Variants in OTOG observed in about 807,000 individuals in gnomAD.
OTOG encodes the protein otogelin.
Under a neutral mutation model 313.8 loss-of-function variants are expected in OTOG, and 296 were observed. The ratio of observed to expected loss-of-function variants is 0.94; its 90% CI spans 0.86 to 1.04. The LOEUF is 1.04. Among genes scored for constraint, OTOG ranks in the 50% least tolerant of loss-of-function variants. The pLI, the probability that OTOG is intolerant of heterozygous loss-of-function variation, is 0.00. For synonymous variants in OTOG, 1,533 were observed against 1,554.9 expected, an observed-to-expected ratio of 0.99 and a Z score of 0.33; for missense variants, 3,948 against 3,840.1, an observed-to-expected ratio of 1.03 and a Z score of -0.74.
intron 22 of OTOG, 109 bp from the exon 23 acceptor site, chr11:17,578,264 A>G: frequency 7.1e-7 from 1 of 1,407,406 alleles, no homozygotes; most frequent in Non-Finnish European, 9.2e-7. Flanking sequence ...CCAGGGAGGG[A>G]GGAGACTTCC....
chr11:17,578,072 A>G (rs952125697), intron 22 of OTOG, among the ~76,000 whole-genome samples: 2 of 152,132 alleles, frequency 1.3e-5, no homozygotes, highest in African/African-American at 2.4e-5. Context: ...GGACAATAAT[A>G]CTTCCTAGAG....
chr11:17,638,202 G>A (rs1854308992), intron 47 of OTOG, among the ~76,000 whole-genome samples: 1 of 152,204 alleles, frequency 6.6e-6, no homozygotes, highest in African/African-American at 2.4e-5. Flanking sequence ...GATTGAGGAG[G>A]CCCAATTTAA....
Position 17,557,309 on chromosome 11 carries a change from T to A in OTOG, c.851T>A (p.Leu284Gln). 6.5e-7 allele frequency: 1 copy of A among 1,549,872 alleles called. No individual in the cohort carries two copies. The highest frequency in any genetic ancestry group is 8.7e-7 in the Non-Finnish European group (1 of 1,146,782). ...GNNNADPKDD[L>Q]VTSSGKLTDD... ...AACAATGCTGACCCCAAGGATGATCTGGTGACCAGCTCTGGTGAGGGTCAG... is the reference window on the plus strand; with the variant it reads ...AACAATGCTGACCCCAAGGATGATCAGGTGACCAGCTCTGGTGAGGGTCAG... Residue 284 changes from leucine (L) to glutamine (Q), a missense_variant, in exon 8 of 56, where the codon CTG (leucine) becomes CAG (glutamine). Physicochemically the swap from Leu to Gln is moderately radical, Grantham distance 113. Coordinates refer to ENST00000399397, the MANE Select transcript of OTOG (RefSeq NM_001292063.2).
rs372880308 is a variant in OTOG, at chr11:17,555,337, G to A, written c.541-442G>A. ...GAAGGGGAGTGTGTGTATAGTGTGT[G>A]CACTGAGAGTGTCATGGGAGAAATT... On this transcript the variant is annotated intron_variant, in intron 6 of 55. Coordinates refer to ENST00000399397, the MANE Select transcript of OTOG (RefSeq NM_001292063.2). Among the ~76,000 whole-genome samples, 7 of 152,234 alleles carry A rather than the reference G, an allele frequency of 4.6e-5. No individual in the cohort carries two copies. The South Asian group carries it at 1.2e-3, about 27-fold the overall frequency.
Position 17,610,676 on chromosome 11 carries a change from A to G in OTOG, c.5376A>G (p.Ser1792=). ...LAATPFMSLE[S]TRPSQLLSGL... Reference sequence around the variant, plus strand: ...CCACACCCTTCATGTCCCTTGAGTCAACTCGTCCCTCCCAGCTCCTCTCTG... The same window carrying G: ...CCACACCCTTCATGTCCCTTGAGTCGACTCGTCCCTCCCAGCTCCTCTCTG... The change falls in exon 36 of 56, where the codon TCA becomes TCG. Residue 1792 remains serine, a synonymous_variant. Transcript: ENST00000399397. 1 of 1,550,460 alleles carries G rather than the reference A, an allele frequency of 6.4e-7. No individual in the cohort carries two copies. Among genetic ancestry groups the G allele is most frequent in the Non-Finnish European group, 8.7e-7 (1 of 1,146,958 alleles).
chr11:17,611,483 C>T (rs1853547863), intron 36 of OTOG, 60 bp downstream of exon 36: 1 of 1,415,342 alleles, frequency 7.1e-7, no homozygotes, highest in South Asian at 1.4e-5. Flanking sequence ...ATCCCTTCCT[C>T]TTCCCTGCTA....
In OTOG at chr11:17,570,362, T is replaced by C; in HGVS notation, c.1927T>C (p.Phe643Leu). 6.4e-7 allele frequency: 1 copy of C among 1,550,526 alleles called. No homozygotes were observed. Among genetic ancestry groups the C allele is most frequent in the Non-Finnish European group, 8.7e-7 (1 of 1,146,960 alleles). Residue 643 changes from phenylalanine (F) to leucine (L), a missense_variant, in exon 17 of 56, where the codon TTC (phenylalanine) becomes CTC (leucine). Coordinates refer to ENST00000399397, the MANE Select transcript of OTOG (RefSeq NM_001292063.2). ...VEDTVGLCGT[F>L]NGNTQDDFLS... is the part of the protein sequence containing the mutation. ...GGATACCGTGGGCCTCTGCGGCACC[T>C]TCAATGGCAACACGCAGGATGACTT...
chr11:17,632,005 TC>T lies in OTOG; in HGVS notation c.6934-81del, dbSNP rs1458647441. The stretch of plus-strand genomic sequence containing the variant: ...GCACCTACCTGCAGAGGCTCATTGT[TC>T]CTTTTGGGCAGGGAGGGGAGGAGCT... On this transcript the variant is annotated intron_variant, in intron 41 of 55. Transcript: ENST00000399397. 9 of 1,541,416 alleles carry T rather than the reference TC, an allele frequency of 5.8e-6. No homozygotes were observed. In the Admixed American group the frequency reaches 1.8e-4, roughly 30 times the overall value.
intron 19 of OTOG, 43 bp downstream of exon 19, chr11:17,573,333 G>A: frequency 6.8e-7 from 1 of 1,479,132 alleles, no homozygotes; most frequent in Non-Finnish European, 9.0e-7. Context: ...AGGAGCCAGA[G>A]CTCCAGACCT....
rs146929722 is a variant in OTOG, at chr11:17,599,681, T to C, written c.3693T>C (p.Cys1231=). 1.6e-5 allele frequency: 25 copies of C among 1,550,692 alleles called. No individual in the cohort carries two copies. The African/African-American group carries it at 3.4e-4, about 21-fold the overall frequency. Residue 1231 remains cysteine (C), a synonymous_variant, in exon 31 of 56, where the codon TGT becomes TGC. Transcript: ENST00000399397. ...WRTPRLCPYD[C]DFFNKVLGKG... ...TTCTCTCTCTTTCAGCGTATGACTGTGACTTCTTTAACAAAGGTAAGCCCC... is the reference window on the plus strand; with the variant it reads ...TTCTCTCTCTTTCAGCGTATGACTGCGACTTCTTTAACAAAGGTAAGCCCC...
rs563948391 is a variant in OTOG at position 17,640,919 on chromosome 11, C to T, written c.8018C>T (p.Ala2673Val). The change falls in exon 51 of 56, where the codon GCC (alanine) becomes GTC (valine). Residue 2673 changes from alanine (A) to valine (V), a missense_variant. By Grantham distance (64) the Ala-to-Val change is moderately conservative. Coordinates refer to ENST00000399397, the MANE Select transcript of OTOG (RefSeq NM_001292063.2). The part of the protein sequence containing the change: ...CGCAKYECVK[A>V]PVCLSRELGV... ...GCCCTGCATGCCCATCCAGTGAAGGCCCCGGTGTGTCTGAGCCGCGAGCTG... is the reference window on the plus strand; with the variant it reads ...GCCCTGCATGCCCATCCAGTGAAGGTCCCGGTGTGTCTGAGCCGCGAGCTG... The T allele has an allele frequency of 1.9e-6, 3 of 1,548,124 alleles. No homozygotes were observed. Among genetic ancestry groups the T allele is most frequent in the South Asian group, 2.4e-5 (2 of 84,002 alleles).
At chr11:17,574,311 T>C (rs78655586) in intron 19 of OTOG, among the ~76,000 whole-genome samples, 3 of 128,778 alleles carry the variant, frequency 2.3e-5, no homozygotes, top group Admixed American at 2.2e-4. Context: ...AGTGAGGGGG[T>C]AGGAGTGTGT....
intron 39 of OTOG, among the ~76,000 whole-genome samples, chr11:17,622,791 G>A (rs141192920): frequency 4.9e-4 from 75 of 152,234 alleles, no homozygotes; most frequent in African/African-American, 1.6e-3. Context: ...CTTAGCTATC[G>A]TGAACAGTGC....
rs1853198823 is a variant in OTOG at position 17,599,711 on chromosome 11, C to A, written c.3709+14C>A. ...TCTTTAACAAAGGTAAGCCCCTCCT[C>A]CCCACGCAGAGTCTCAGGGGCTCAG... On this transcript the variant is annotated intron_variant, in intron 31 of 55. Transcript: ENST00000399397. The A allele has an allele frequency of 6.5e-7, 1 of 1,550,360 alleles. No individual in the cohort carries two copies. Among genetic ancestry groups the A allele is most frequent in the Non-Finnish European group, 8.7e-7 (1 of 1,146,766 alleles).
intron 24 of OTOG, 72 bp downstream of exon 24, chr11:17,586,653 G>A (rs144400073): frequency 3.4e-5 from 24 of 703,222 alleles, no homozygotes; most frequent in Non-Finnish European, 5.0e-5. Flanking sequence ...ATAATCAAGA[G>A]TATAGTCTAG....
chr11:17,595,257 TA>T (rs770248573), intron 28 of OTOG, among the ~76,000 whole-genome samples: 4 of 152,158 alleles, frequency 2.6e-5, no homozygotes, highest in Non-Finnish European at 4.4e-5. Context: ...AGTGGGTGAC[TA>T]ACCCTTGTTC....
intron 39 of OTOG, among the ~76,000 whole-genome samples, chr11:17,628,524 A>G (rs1854039555): frequency 6.6e-6 from 1 of 152,208 alleles, no homozygotes; most frequent in African/African-American, 2.4e-5. Context: ...TGAGAATTAG[A>G]GTGTGTTGCA....
In OTOG at chr11:17,610,576, C is replaced by G. The variant is rs755471073; in HGVS notation, c.5276C>G (p.Ala1759Gly). Residue 1759 changes from alanine (A) to glycine (G), a missense_variant, in exon 36 of 56, where the codon GCC (alanine) becomes GGC (glycine). Ala to Gly is a moderately conservative substitution (Grantham distance 60). Transcript: ENST00000399397. ...PPRPAQHTTM[A>G]TRSPALPPET... is the part of the protein sequence containing the mutation. ...CGCCCAGCCCAGCATACCACCATGG[C>G]CACCAGGTCTCCAGCTCTGCCCCCA... The G allele has an allele frequency of 6.4e-7, 1 of 1,550,590 alleles. No individual in the cohort carries two copies. Among genetic ancestry groups the G allele is most frequent in the Admixed American group, 2.0e-5 (1 of 50,994 alleles).
chr11:17,634,781 CCACTGGAGAGCAGTGGGGACATCCG>C, intron 44 of OTOG, 38 bp from the exon 45 acceptor site: 1 of 1,379,140 alleles, frequency 7.3e-7, no homozygotes, highest in Non-Finnish European at 1.0e-6. Context: ...CCAGTGTTCT[CCACTGGAGAGCAGTGGGGACATCCG>C]GCCCCGAGGT....
Sources: allele counts gnomAD v4.1 joint callset (sites outside exome capture counted in the v4.1 genomes callset), GRCh38; gene constraint gnomAD v4.1.1; transcripts MANE v1.5; gene names NCBI Gene and HGNC (gene_info 2026-07-23, HGNC 2026-07-21).